Variants in PXDNL observed in about 807,000 individuals in gnomAD.
The protein encoded by PXDNL is probable oxidoreductase PXDNL.
A neutral mutation model predicts 150.8 loss-of-function variants in PXDNL; 145 were observed. The ratio of observed to expected loss-of-function variants is 0.96; its 90% CI spans 0.84 to 1.10. The LOEUF (loss-of-function observed/expected upper bound fraction) is 1.10. Ranked by LOEUF, PXDNL falls within the 50% of genes least tolerant of loss-of-function variation. The pLI, the probability that PXDNL is intolerant of heterozygous loss-of-function variation, is 0.00. For missense variants in PXDNL, 2,087 were observed against 1,873.9 expected, an observed-to-expected ratio of 1.11 and a Z score of -2.10; for synonymous variants, 757 against 725.7, an observed-to-expected ratio of 1.04 and a Z score of -0.69.
At chr8:51,575,224 T>C (rs923281728) in intron 3 of PXDNL, among the ~76,000 whole-genome samples, 101 of 152,000 alleles carry the variant, frequency 6.6e-4, no homozygotes, top group East Asian at 1.6e-3. Flanking sequence ...ATTTAATACC[T>C]GAGCACCCAC....
At position 51,334,385 on chromosome 8, in the gene PXDNL, A is replaced by G. The variant is rs150564694; in HGVS notation, c.4146+5239T>C. The stretch of plus-strand genomic sequence containing the variant: ...AAAAAGTCTGAAAGAGCACAAACAG[A>G]CAATCTAAGATCATGCCTCAAGGAA... On this transcript the variant is annotated intron_variant, in intron 21 of 22. Coordinates refer to ENST00000356297, the MANE Select transcript of PXDNL (RefSeq NM_144651.5). 2.9e-3 allele frequency among the ~76,000 whole-genome samples: 435 copies of G among 152,266 alleles called. 7 individuals are homozygous for G. The highest frequency in any genetic ancestry group is 0.028 in the East Asian group (145 of 5,170).
chr8:51,384,396 G>C (rs1052264495), intron 17 of PXDNL, among the ~76,000 whole-genome samples: 2 of 151,730 alleles, frequency 1.3e-5, no homozygotes, highest in Non-Finnish European at 2.9e-5. Context: ...AAAATCTTAT[G>C]GTTAATTTGT....
At chr8:51,525,139 T>C (rs912017130) in intron 4 of PXDNL, among the ~76,000 whole-genome samples, 2 of 152,160 alleles carry the variant, frequency 1.3e-5, no homozygotes, top group African/African-American at 4.8e-5. Flanking sequence ...AAAATCTCTT[T>C]AAAATCTTCA....
chr8:51,568,310 A>G (rs1173526248), intron 3 of PXDNL, among the ~76,000 whole-genome samples: 1 of 151,806 alleles, frequency 6.6e-6, no homozygotes, highest in Non-Finnish European at 1.5e-5. Context: ...ATTAGTAACA[A>G]ATTTCCTCAA....
chr8:51,465,491 A>T (rs573724372), intron 8 of PXDNL, among the ~76,000 whole-genome samples: 61 of 152,240 alleles, frequency 4.0e-4, no homozygotes, highest in African/African-American at 1.4e-3. Context: ...TTGAGAACCA[A>T]AACAAGACAA....
chr8:51,508,593 G>T (rs957757699), intron 4 of PXDNL, among the ~76,000 whole-genome samples: 1 of 152,170 alleles, frequency 6.6e-6, no homozygotes, highest in Non-Finnish European at 1.5e-5. Flanking sequence ...CTCCTGGACT[G>T]GAGTGCCTGG....
intron 14 of PXDNL, among the ~76,000 whole-genome samples, chr8:51,418,563 C>G (rs1049151694): frequency 5.9e-5 from 9 of 152,132 alleles, no homozygotes. Flanking sequence ...ATTGTTTATA[C>G]AGAGTTTTGG....
Position 51,809,398 on chromosome 8 carries a change from T to TGCAGCA in PXDNL, c.-55_-54insTGCTGC. ...AAGCAGCCGGAGGGAGAGCAGCAGC[T>TGCAGCA]GCAGCTGCAGCAGCAACCGCAGTGG... On this transcript the variant is annotated 5_prime_UTR_variant, in exon 1 of 23. Transcript: ENST00000356297. The TGCAGCA allele has an allele frequency of 8.2e-6, 12 of 1,471,708 alleles. No homozygotes were observed. The highest frequency in any genetic ancestry group is 1.1e-5 in the Non-Finnish European group (12 of 1,110,580). The allele number at this position is 1,471,708 out of a possible 1,614,324, so 91.2% of individuals were successfully genotyped here. A position where few individuals can be genotyped will look rare whatever the true frequency, so the allele number is the denominator to read the frequency against.
At chr8:51,486,131 T>C (rs995450105) in intron 5 of PXDNL, among the ~76,000 whole-genome samples, 2 of 152,118 alleles carry the variant, frequency 1.3e-5, no homozygotes, top group African/African-American at 4.8e-5. Flanking sequence ...AGGCTGGAAA[T>C]TGCATCCATG....
chr8:51,743,762 A>C (rs2036932189), intron 1 of PXDNL, among the ~76,000 whole-genome samples: 2 of 151,870 alleles, frequency 1.3e-5, no homozygotes, highest in African/African-American at 4.8e-5. Context: ...GCAATCCACC[A>C]GCCTTGGCCT....
intron 2 of PXDNL, among the ~76,000 whole-genome samples, chr8:51,594,909 C>T (rs996886164): frequency 3.3e-5 from 5 of 151,998 alleles, no homozygotes; most frequent in African/African-American, 7.2e-5. Flanking sequence ...TAAAACAATA[C>T]CTAACATTAT....
intron 19 of PXDNL, among the ~76,000 whole-genome samples, chr8:51,367,961 G>C (rs901028267): frequency 6.6e-6 from 1 of 151,950 alleles, no homozygotes; most frequent in Non-Finnish European, 1.5e-5. Context: ...AACCACGTCT[G>C]TACTAAAAAT....
At chr8:51,373,398 C>T (rs2130787112) in intron 18 of PXDNL, among the ~76,000 whole-genome samples, 1 of 152,274 alleles carries the variant, frequency 6.6e-6, no homozygotes, top group South Asian at 2.1e-4. Flanking sequence ...GTTACAACAG[C>T]CTGGTAAACT....
chr8:51,405,142 G>A (rs1239573781), intron 17 of PXDNL, among the ~76,000 whole-genome samples: 1 of 152,146 alleles, frequency 6.6e-6, no homozygotes, highest in Non-Finnish European at 1.5e-5. Flanking sequence ...AACTGGCGCT[G>A]GCCCGCCCGC....
At chr8:51,619,331 A>G (rs1481819618) in intron 2 of PXDNL, among the ~76,000 whole-genome samples, 1 of 152,204 alleles carries the variant, frequency 6.6e-6, no homozygotes, top group African/African-American at 2.4e-5. Flanking sequence ...TTAATGGTAG[A>G]TCACATGACC....
At chr8:51,502,708 T>A (rs1811212533) in intron 4 of PXDNL, among the ~76,000 whole-genome samples, 1 of 152,120 alleles carries the variant, frequency 6.6e-6, no homozygotes, top group African/African-American at 2.4e-5. Context: ...TTGAAACAAT[T>A]TATTATAAAG....
intron 20 of PXDNL, among the ~76,000 whole-genome samples, chr8:51,340,354 TA>T (rs1468754633): frequency 7.9e-5 from 12 of 152,166 alleles, no homozygotes; most frequent in Admixed American, 5.9e-4. Flanking sequence ...CAGAAGCAAA[TA>T]ACTAATTTGG....
chr8:51,542,797 G>A (rs545774759), intron 4 of PXDNL, among the ~76,000 whole-genome samples: 85 of 149,532 alleles, frequency 5.7e-4, no homozygotes, highest in African/African-American at 1.9e-3. Context: ...GTGACAAAGC[G>A]AGACTCCATC....
chr8:51,645,848 T>C (rs1339717306), intron 2 of PXDNL, among the ~76,000 whole-genome samples: 3 of 152,078 alleles, frequency 2.0e-5, no homozygotes, highest in African/African-American at 7.2e-5. Flanking sequence ...TTCAAAGTCA[T>C]AGTGAAAACA....
Sources: allele counts gnomAD v4.1 joint callset (sites outside exome capture counted in the v4.1 genomes callset), GRCh38; gene constraint gnomAD v4.1.1; transcripts MANE v1.5; gene names NCBI Gene and HGNC (gene_info 2026-07-23, HGNC 2026-07-21).